SNTG1: variants seen among roughly 807,000 people sequenced by gnomAD.
SNTG1 encodes the protein gamma-1-syntrophin.
SNTG1 carries 39 observed loss-of-function variants against 74.7 expected under a neutral mutation model. That is an observed-to-expected ratio of 0.52 (90% CI 0.40 to 0.68). SNTG1 has a LOEUF of 0.68. Ranked by LOEUF, SNTG1 falls within the 30% of genes least tolerant of loss-of-function variation. The pLI is 0.00. For synonymous variants in SNTG1, 254 were observed against 217.1 expected (o/e 1.17, Z -1.49); for missense variants, 685 against 609.5 (o/e 1.12, Z -1.30).
chr8:50,117,149 A>G (rs1392759769), intron 1 of SNTG1, among the ~76,000 whole-genome samples: 1 of 151,638 alleles, frequency 6.6e-6, no homozygotes, highest in African/African-American at 2.4e-5. Flanking sequence ...AGTTCTAATC[A>G]CTCAGCTGAA....
intron 1 of SNTG1, among the ~76,000 whole-genome samples, chr8:50,038,653 C>T (rs1300315119): frequency 1.3e-5 from 2 of 152,092 alleles, no homozygotes; most frequent in Non-Finnish European, 2.9e-5. Flanking sequence ...TTTCAAAGTT[C>T]TTGTCTAAGT....
intron 18 of SNTG1, among the ~76,000 whole-genome samples, chr8:50,769,866 C>T (rs948273433): frequency 2.0e-5 from 3 of 152,076 alleles, no homozygotes; most frequent in African/African-American, 7.2e-5. Context: ...TGTTCTATTA[C>T]ATCAAAATCC....
chr8:50,007,207 G>C (rs993740144), intron 1 of SNTG1, among the ~76,000 whole-genome samples: 2 of 152,074 alleles, frequency 1.3e-5, no homozygotes, highest in Non-Finnish European at 2.9e-5. Context: ...TTGAGGCTGC[G>C]GGTCAGGAAA....
At position 50,357,914 on chromosome 8, in the gene SNTG1, T is replaced by C. The variant is rs16914762; in HGVS notation, c.-27-36298T>C. The stretch of plus-strand genomic sequence containing the variant: ...TTGTCAATAATCCAGATGACAGATA[T>C]TTGATTGTGTCTCCGTTGAGTGCAT... On this transcript the variant is annotated intron_variant, in intron 2 of 18. Coordinates refer to ENST00000642720, the MANE Select transcript of SNTG1 (RefSeq NM_018967.5). Among the ~76,000 whole-genome samples the C allele has an allele frequency of 5.4e-3, 821 of 152,314 alleles. 9 individuals are homozygous for C. Among genetic ancestry groups the C allele is most frequent in the African/African-American group, 0.018 (731 of 41,568 alleles).
intron 13 of SNTG1, among the ~76,000 whole-genome samples, chr8:50,598,761 C>T (rs949639371): frequency 6.6e-6 from 1 of 151,802 alleles, no homozygotes; most frequent in Non-Finnish European, 1.5e-5. Context: ...TTCATCAATG[C>T]TTTATAGTTT....
rs79998230 is a variant in SNTG1 at position 50,563,730 on chromosome 8, T to C, written c.810+10551T>C. ...GACAAATAGTTTTGAACAGGTACCA[T>C]GTACAACAACTTGGAGTCTCCTAAG... On this transcript the variant is annotated intron_variant, in intron 12 of 18. Transcript: ENST00000642720. 6.3e-3 allele frequency among the ~76,000 whole-genome samples: 959 copies of C among 152,220 alleles called. 10 individuals are homozygous for C. Among genetic ancestry groups the C allele is most frequent in the East Asian group, 0.023 (121 of 5,174 alleles).
chr8:50,454,509 CAAACA>C (rs1013494714), intron 8 of SNTG1, among the ~76,000 whole-genome samples: 28 of 149,920 alleles, frequency 1.9e-4, no homozygotes, highest in African/African-American at 5.9e-4. Flanking sequence ...AATAAACAAA[CAAACA>C]AAACAAAACA....
At position 49,969,598 on chromosome 8, in the gene SNTG1, T is replaced by C. The variant is rs550096640; in HGVS notation, c.-103+57367T>C. ...TTTTAGTAGAGACGGGGTTTCACCA[T>C]GTTGGTCAGGCTGGTGTCAACCTCC... On this transcript the variant is annotated intron_variant, in intron 1 of 18. Coordinates refer to ENST00000642720, the MANE Select transcript of SNTG1 (RefSeq NM_018967.5). Among the ~76,000 whole-genome samples, 276 of 152,062 alleles carry C rather than the reference T, an allele frequency of 1.8e-3. 1 individual carries two copies. The highest frequency in any genetic ancestry group is 6.3e-3 in the African/African-American group (260 of 41,470).
chr8:50,699,906 T>C (rs2131500007), intron 15 of SNTG1, among the ~76,000 whole-genome samples: 1 of 152,334 alleles, frequency 6.6e-6, no homozygotes, highest in East Asian at 1.9e-4. Context: ...AAGAATTAAA[T>C]ATAGTATCTT....
intron 1 of SNTG1, among the ~76,000 whole-genome samples, chr8:49,974,904 A>G (rs1306600622): frequency 1.3e-5 from 2 of 152,168 alleles, no homozygotes; most frequent in African/African-American, 2.4e-5. Context: ...AATTAGGCAT[A>G]ATCCCTTTAT....
At chr8:50,782,733 T>C (rs551501938) in intron 18 of SNTG1, among the ~76,000 whole-genome samples, 5 of 152,366 alleles carry the variant, frequency 3.3e-5, no homozygotes, top group African/African-American at 7.2e-5. Context: ...TCCAGCTTTG[T>C]TCCGTTGCTG....
At chr8:50,492,858 G>A (rs1176050546) in intron 8 of SNTG1, among the ~76,000 whole-genome samples, 7 of 152,056 alleles carry the variant, frequency 4.6e-5, no homozygotes, top group Non-Finnish European at 2.9e-5. Flanking sequence ...GAGTTTTTAT[G>A]GTTTTATGTA....
intron 13 of SNTG1, among the ~76,000 whole-genome samples, chr8:50,600,506 T>C (rs2094764817): frequency 1.3e-5 from 2 of 152,080 alleles, no homozygotes; most frequent in Non-Finnish European, 2.9e-5. Context: ...TTCTTCCTGA[T>C]TCAATCTTGG....
chr8:50,421,769 A>G lies in SNTG1; in HGVS notation c.163-16774A>G, dbSNP rs370257160. 9.3e-4 allele frequency among the ~76,000 whole-genome samples: 142 copies of G among 152,302 alleles called. 1 individual carries two copies. Among genetic ancestry groups the G allele is most frequent in the African/African-American group, 2.6e-3 (110 of 41,582 alleles). On this transcript the variant is annotated intron_variant, in intron 4 of 18. Coordinates refer to ENST00000642720, the MANE Select transcript of SNTG1 (RefSeq NM_018967.5). ...ACTGACATGAGACATATTCATTAATAGGAAAAAAGGCATACAGACTTACTT... is the reference window on the plus strand; with the variant it reads ...ACTGACATGAGACATATTCATTAATGGGAAAAAAGGCATACAGACTTACTT...
chr8:50,430,001 T>A (rs900430476), intron 4 of SNTG1, among the ~76,000 whole-genome samples: 1 of 152,174 alleles, frequency 6.6e-6, no homozygotes, highest in Non-Finnish European at 1.5e-5. Context: ...CATACATTGT[T>A]GATGAGAATA....
chr8:50,006,656 C>T (rs1815267920), intron 1 of SNTG1, among the ~76,000 whole-genome samples: 1 of 152,128 alleles, frequency 6.6e-6, no homozygotes, highest in Non-Finnish European at 1.5e-5. Flanking sequence ...CTGTGAGGTG[C>T]TATTTATTCT....
intron 1 of SNTG1, among the ~76,000 whole-genome samples, chr8:50,037,280 T>C (rs1399544818): frequency 4.6e-5 from 7 of 152,348 alleles, no homozygotes; most frequent in Middle Eastern, 3.4e-3. Context: ...AGTAAACCAG[T>C]GCTTCTCAAC....
intron 1 of SNTG1, among the ~76,000 whole-genome samples, chr8:49,915,345 C>G (rs1805933215): frequency 6.6e-6 from 1 of 152,092 alleles, no homozygotes; most frequent in African/African-American, 2.4e-5. Flanking sequence ...TTTCCAATAG[C>G]ATTCATTCAT....
chr8:50,542,716 C>T (rs1843007), intron 11 of SNTG1, among the ~76,000 whole-genome samples: 57,642 of 152,018 alleles, frequency 0.38, 14,018 homozygotes, highest in African/African-American at 0.7. Flanking sequence ...ACCAACAGTG[C>T]ATAAGGATTC....
Sources: allele counts gnomAD v4.1 joint callset (sites outside exome capture counted in the v4.1 genomes callset), GRCh38; gene constraint gnomAD v4.1.1; transcripts MANE v1.5; gene names NCBI Gene and HGNC (gene_info 2026-07-23, HGNC 2026-07-21).